The following ITGA7 variants were observed in gnomAD, a reference collection of about 807,000 sequenced individuals.
ITGA7 encodes the protein integrin alpha-7.
ITGA7 carries 84 observed loss-of-function variants against 131.6 expected under a neutral mutation model. The ratio of observed to expected loss-of-function variants is 0.64; its 90% CI spans 0.54 to 0.77. ITGA7 has a LOEUF of 0.77. Among genes scored for constraint, ITGA7 ranks in the 30% least tolerant of loss-of-function variants. The pLI, the probability that ITGA7 is intolerant of heterozygous loss-of-function variation, is 0.00. For missense variants in ITGA7, 1,399 were observed against 1,482.9 expected (o/e 0.94, Z 0.93); for synonymous variants, 548 against 600.7 (o/e 0.91, Z 1.28).
intron 3 of ITGA7, 193 bp downstream of exon 3, chr12:55,702,679 A>G: frequency 1.6e-6 from 1 of 637,482 alleles, no homozygotes; most frequent in Admixed American, 2.3e-5. Flanking sequence ...TGGATGAATG[A>G]ATGGACAGAC....
intron 21 of ITGA7, among the ~76,000 whole-genome samples, chr12:55,692,317 T>C (rs1396312731): frequency 7.5e-6 from 1 of 133,212 alleles, no homozygotes; most frequent in Non-Finnish European, 1.6e-5. Context: ...CTTAGGAGGC[T>C]GAGGAAGGAG....
intron 24 of ITGA7, among the ~76,000 whole-genome samples, chr12:55,687,477 C>T (rs970940175): frequency 2.7e-5 from 4 of 145,826 alleles, no homozygotes; most frequent in Non-Finnish European, 6.0e-5. Flanking sequence ...GCATGAGCCA[C>T]CATGCCCGGC....
At chr12:55,716,005 C>T (rs1308997272), upstream of ITGA7, 3 of 1,507,744 alleles carry the variant, frequency 2.0e-6, no homozygotes, top group Admixed American at 2.3e-5. Flanking sequence ...CACCCAAGGT[C>T]TCAAGAGGGC....
intron 24 of ITGA7, 122 bp from the exon 25 acceptor site, chr12:55,685,410 G>A: frequency 1.1e-6 from 1 of 885,652 alleles, no homozygotes. Flanking sequence ...GAAATAGGCT[G>A]AATAGCATCT....
intron 4 of ITGA7, chr12:55,700,429 C>T (rs200292880): frequency 1.3e-5 from 20 of 1,578,872 alleles, no homozygotes; most frequent in East Asian, 4.5e-5. Flanking sequence ...CAGGGCAGGG[C>T]GCAAGGAACA....
chr12:55,699,811 G>C, intron 5 of ITGA7, 59 bp downstream of exon 5: 10 of 1,563,580 alleles, frequency 6.4e-6, no homozygotes, highest in Non-Finnish European at 8.7e-6. Context: ...CGAGTTCCCT[G>C]GGGAAGGAGG....
At position 55,707,747 on chromosome 12, in the gene ITGA7, T is replaced by TC. The variant is rs1875547928; in HGVS notation, c.-66dup. 1.9e-6 allele frequency: 3 copies of TC among 1,545,934 alleles called. No homozygotes were observed. Among genetic ancestry groups the TC allele is most frequent in the South Asian group, 1.2e-5 (1 of 83,788 alleles). On this transcript the variant is annotated 5_prime_UTR_variant, in exon 1 of 25. Coordinates refer to ENST00000257879, the MANE Select transcript of ITGA7 (RefSeq NM_002206.3). ...AATCTCGCACGCCCCAAGCCCCAGG[T>TC]CCCCCCAGGCGCGTCTCTGGTCTCC...
chr12:55,712,003 C>T, upstream of ITGA7: 1 of 1,372,846 alleles, frequency 7.3e-7, no homozygotes, highest in South Asian at 1.2e-5. Context: ...AGCTTATGTC[C>T]CAAGGTCAGG....
chr12:55,698,633 G>C, intron 6 of ITGA7, 57 bp from the exon 7 acceptor site: 1 of 1,612,112 alleles, frequency 6.2e-7, no homozygotes, highest in Admixed American at 1.7e-5. Context: ...GAGCCAGCAG[G>C]AGGCTAAGTG....
At chr12:55,715,964 A>G, upstream of ITGA7, 1 of 1,435,384 alleles carries the variant, frequency 7.0e-7, no homozygotes, top group South Asian at 1.4e-5. Context: ...GCCCTCCGCA[A>G]CCCTCTACCT....
At position 55,684,700 on chromosome 12, in the gene ITGA7, G is replaced by A. The variant is rs886049661; in HGVS notation, c.*358C>T. 6.4e-5 allele frequency: 17 copies of A among 267,256 alleles called. No homozygotes were observed. Among genetic ancestry groups the A allele is most frequent in the African/African-American group, 2.4e-4 (11 of 45,510 alleles). The allele number at this position is 267,256 out of a possible 1,614,324, so 16.6% of individuals were successfully genotyped here. On this transcript the variant is annotated 3_prime_UTR_variant, in exon 25 of 25. Coordinates refer to ENST00000257879, the MANE Select transcript of ITGA7 (RefSeq NM_002206.3). ...GAGTCAGTGACACAACCTCCTCCCC[G>A]ACCCTCTAGGTTAAGGCACTTCCGG...
intron 21 of ITGA7, among the ~76,000 whole-genome samples, chr12:55,690,418 T>G (rs1224541316): frequency 9.5e-5 from 14 of 146,868 alleles, no homozygotes; most frequent in Non-Finnish European, 2.0e-4. Context: ...AAAACCACAA[T>G]GAGATATCAT....
In ITGA7 at chr12:55,684,893, G is replaced by C. The variant is rs1035752863; in HGVS notation, c.*165C>G. ...CTCACAGCACTCTAAGGGGAAGTTG[G>C]GTGGGAGGAGTTCTTGTGGGTGGGA... On this transcript the variant is annotated 3_prime_UTR_variant, in exon 25 of 25. Transcript: ENST00000257879. 1.6e-6 allele frequency: 1 copy of C among 616,770 alleles called. No individual in the cohort carries two copies. The highest frequency in any genetic ancestry group is 1.8e-5 in the African/African-American group (1 of 54,170). 38.2% of individuals were successfully genotyped at this position (616,770 alleles called of 1,614,324 possible). A position where few individuals can be genotyped will look rare whatever the true frequency, so the allele number is the denominator to read the frequency against.
rs779391745 is a variant in ITGA7 at position 55,694,724 on chromosome 12, C to T, written c.2197-29G>A. On this transcript the variant is annotated intron_variant, in intron 15 of 24. Transcript: ENST00000257879. This position sits in a 1 kb window ranked among gnomAD's most constrained non-coding sequence, Gnocchi z 5.3. The stretch of plus-strand genomic sequence containing the variant: ...GAATGGGAGAGAAGGCAAGGTCAGT[C>T]TGGGTTACTGGAGCCCCTCAAGACC... 2.5e-6 allele frequency: 4 copies of T among 1,613,900 alleles called. No individual in the cohort carries two copies. Among genetic ancestry groups the T allele is most frequent in the African/African-American group, 1.3e-5 (1 of 74,900 alleles).
In ITGA7 at chr12:55,696,226, C is replaced by T; in HGVS notation, c.1887+57G>A. The T allele has an allele frequency of 2.6e-6, 4 of 1,519,088 alleles. No individual in the cohort carries two copies. In the Admixed American group the frequency reaches 7.8e-5, roughly 30 times the overall value. 94.1% of individuals were successfully genotyped at this position (1,519,088 alleles called of 1,614,324 possible). On this transcript the variant is annotated intron_variant, in intron 13 of 24. Coordinates refer to ENST00000257879, the MANE Select transcript of ITGA7 (RefSeq NM_002206.3). ...GTGAATTGGTGTCACTGGGGAGGGA[C>T]CATGATCTTTGCCCTCCCAGCTCCT...
At chr12:55,704,438 A>G (rs1199370066) in intron 1 of ITGA7, among the ~76,000 whole-genome samples, 1 of 152,218 alleles carries the variant, frequency 6.6e-6, no homozygotes, top group Non-Finnish European at 1.5e-5. Flanking sequence ...TTGGCATTCA[A>G]CTACTTATTG....
rs554535965 is a variant in ITGA7 at position 55,703,093 on chromosome 12, G to A, written c.292C>T (p.Leu98=). Residue 98 remains leucine (L), a synonymous_variant, in exon 2 of 25, where the codon CTG becomes TTG. Coordinates refer to ENST00000257879, the MANE Select transcript of ITGA7 (RefSeq NM_002206.3). ...ACTCTGTAGCAGTCAGTCTCCTCCAGGCTCAACGGGCAAGCGAAGAGGCCT... is the reference window on the plus strand; with the variant it reads ...ACTCTGTAGCAGTCAGTCTCCTCCAAGCTCAACGGGCAAGCGAAGAGGCCT... ...TGGLFACPLS[L]EETDCYRVDI... The A allele has an allele frequency of 4.3e-6, 7 of 1,614,094 alleles. 1 individual carries two copies. The South Asian group carries it at 7.7e-5, about 18-fold the overall frequency.
intron 23 of ITGA7, 48 bp downstream of exon 23, chr12:55,688,154 A>C: frequency 6.2e-7 from 1 of 1,614,034 alleles, no homozygotes; most frequent in Non-Finnish European, 8.5e-7. Flanking sequence ...TGGAGGGAGC[A>C]GGAAAGAAGA....
In ITGA7 at chr12:55,688,850, A is replaced by G. The variant is rs1870834265; in HGVS notation, c.2952T>C (p.Phe984=). Residue 984 remains phenylalanine, a synonymous_variant, in exon 22 of 25, where the codon TTT becomes TTC. Coordinates refer to ENST00000257879, the MANE Select transcript of ITGA7 (RefSeq NM_002206.3). ...HVWGRLWNST[F]LEEYSAVKSL... Reference sequence around the variant, plus strand: ...AGCCGAGTGGTATCCTCACCTCCAGAAAGGTGCTGTTCCAGAGACGGCCCC... The same window carrying G: ...AGCCGAGTGGTATCCTCACCTCCAGGAAGGTGCTGTTCCAGAGACGGCCCC... The G allele has an allele frequency of 6.2e-7, 1 of 1,613,222 alleles. No homozygotes were observed. Among genetic ancestry groups the G allele is most frequent in the Non-Finnish European group, 8.5e-7 (1 of 1,179,170 alleles).
Sources: allele counts gnomAD v4.1 joint callset (sites outside exome capture counted in the v4.1 genomes callset), GRCh38; gene constraint gnomAD v4.1.1; non-coding constraint Gnocchi (gnomAD v3.1); transcripts MANE v1.5; gene names NCBI Gene and HGNC (gene_info 2026-07-23, HGNC 2026-07-21).